Variants in GCA observed in about 807,000 individuals in gnomAD.
GCA encodes the protein grancalcin, EF-hand calcium-binding protein.
Under a neutral mutation model 32.6 loss-of-function variants are expected in GCA, and 30 were observed. The ratio of observed to expected loss-of-function variants is 0.92; its 90% confidence interval spans 0.69 to 1.25. The LOEUF (loss-of-function observed/expected upper bound fraction) is 1.25, where lower values mean the gene tolerates loss of function less well. Ranked by LOEUF, GCA falls within the 50% of genes most tolerant of loss-of-function variation. The pLI is 0.00. For synonymous variants in GCA, 102 were observed against 84.6 expected (o/e 1.21, Z -1.13); for missense variants, 291 against 266.8 (o/e 1.09, Z -0.63).
At chr2:162,328,924 C>T (rs1335458259) in intron 1 of GCA, among the ~76,000 whole-genome samples, 1 of 152,134 alleles carries the variant, frequency 6.6e-6, no homozygotes, top group African/African-American at 2.4e-5. Context: ...GTGGCCTGGG[C>T]TCTCCACTGA....
At chr2:162,348,719 C>G (rs1258097048) in intron 2 of GCA, among the ~76,000 whole-genome samples, 3 of 152,116 alleles carry the variant, frequency 2.0e-5, no homozygotes, top group African/African-American at 7.2e-5. Flanking sequence ...GGAAGCTTTT[C>G]TTTTACTCCT....
chr2:162,340,452 CT>C (rs1010650197), upstream of GCA, among the ~76,000 whole-genome samples: 2 of 152,220 alleles, frequency 1.3e-5, no homozygotes, highest in African/African-American at 4.8e-5. Context: ...ACCATCTCAA[CT>C]GCTATACCCT....
chr2:162,373,596 C>G (rs752991826), downstream of GCA: 1 of 1,576,822 alleles, frequency 6.3e-7, no homozygotes, highest in Middle Eastern at 1.7e-4. Context: ...CTGGGGGGAC[C>G]ACAGTGGTTT....
At chr2:162,354,705 A>G (rs1474495777) in intron 3 of GCA, among the ~76,000 whole-genome samples, 2 of 152,086 alleles carry the variant, frequency 1.3e-5, no homozygotes, top group Non-Finnish European at 2.9e-5. Flanking sequence ...TCAGGAATCC[A>G]TTTTCTCAGA....
rs1684782024 is a variant in GCA, at chr2:162,347,694, C to G, written c.144C>G (p.Ser48=). Residue 48 remains serine (S), a synonymous_variant, in exon 2 of 8, where the codon TCC becomes TCG. Coordinates refer to ENST00000437150, the MANE Select transcript of GCA (RefSeq NM_012198.5). ...GGCCAGCATATTCAGACACTTATTC[C>G]TCAGCTGGTGACTCCGTGTATACTT... ...YSGPAYSDTY[S]SAGDSVYTYF... The G allele has an allele frequency of 6.2e-7, 1 of 1,607,386 alleles. No homozygotes were observed. Among genetic ancestry groups the G allele is most frequent in the Non-Finnish European group, 8.5e-7 (1 of 1,175,722 alleles).
At position 162,347,637 on chromosome 2, in the gene GCA, A is replaced by C; in HGVS notation, c.87A>C (p.Thr29=). Residue 29 remains threonine (T), a synonymous_variant, in exon 2 of 8, where the codon ACA becomes ACC. Coordinates refer to ENST00000437150, the MANE Select transcript of GCA (RefSeq NM_012198.5). ...GMQMGQPVPE[T]GPAILLDGYS... ...AGATGGGACAGCCAGTGCCAGAAAC[A>C]GGCCCAGCTATACTCCTCGATGGAT... 4 of 1,610,284 alleles carry C rather than the reference A, an allele frequency of 2.5e-6. No individual in the cohort carries two copies. Among genetic ancestry groups the C allele is most frequent in the East Asian group, 2.2e-5 (1 of 44,792 alleles).
At position 162,344,206 on chromosome 2, in the gene GCA, A is replaced by C. The variant is rs773790858; in HGVS notation, c.-43A>C. ...TGTGCTTTTTCTCCCAGCACTGCGG[A>C]CGCGACTCGAGGGTGACGCTCGCTC... On this transcript the variant is annotated 5_prime_UTR_variant, in exon 1 of 8. Transcript: ENST00000437150. 3 of 1,612,770 alleles carry C rather than the reference A, an allele frequency of 1.9e-6. No homozygotes were observed. The highest frequency in any genetic ancestry group is 2.2e-5 in the East Asian group (1 of 44,830).
intron 4 of GCA, among the ~76,000 whole-genome samples, chr2:162,369,290 T>G (rs1558909964): frequency 6.6e-6 from 1 of 152,090 alleles, no homozygotes; most frequent in Non-Finnish European, 1.5e-5. Context: ...GTAAGTCACT[T>G]TAGCCATTGA....
chr2:162,360,637 A>G lies in GCA; in HGVS notation c.*394A>G. On this transcript the variant is annotated 3_prime_UTR_variant, in exon 8 of 8. Transcript: ENST00000437150. ...TACTTATCTGAAGGTTACAAATTAG[A>G]CTTTTAAATTTTCTTTGTAGTTGGT... 8.0e-7 allele frequency: 1 copy of G among 1,243,648 alleles called. No individual in the cohort carries two copies. The highest frequency in any genetic ancestry group is 1.0e-6 in the Non-Finnish European group (1 of 988,752). 77.0% of individuals were successfully genotyped at this position (1,243,648 alleles called of 1,614,324 possible).
chr2:162,366,117 A>G (rs367606531), downstream of GCA, among the ~76,000 whole-genome samples: 1 of 151,790 alleles, frequency 6.6e-6, no homozygotes, highest in African/African-American at 2.4e-5. Flanking sequence ...ATTATTTTAC[A>G]TCTTTCAAAA....
At chr2:162,352,123 T>A (rs1685031642) in intron 2 of GCA, among the ~76,000 whole-genome samples, 1 of 152,178 alleles carries the variant, frequency 6.6e-6, no homozygotes, top group African/African-American at 2.4e-5. Context: ...AGGGTAATTG[T>A]GCTATTCTTC....
rs771955911 is a variant in GCA at position 162,356,867 on chromosome 2, T to TAGAA, written c.417_420dup (p.His141ArgfsTer4). 8.1e-6 allele frequency: 13 copies of TAGAA among 1,609,992 alleles called. No individual in the cohort carries two copies. Among genetic ancestry groups the TAGAA allele is most frequent in the Non-Finnish European group, 1.1e-5 (13 of 1,177,164 alleles). On this transcript the variant is annotated frameshift_variant, in exon 5 of 8. Transcript: ENST00000437150. LOFTEE classifies it high-confidence loss of function. ...GTTGATCAAGATGGAAGTGGCACAGTAGAACATCATGAGTTGCGTCAAGCC... is the reference window on the plus strand; with the variant it reads ...GTTGATCAAGATGGAAGTGGCACAGTAGAAAGAACATCATGAGTTGCGTCAAGCC...
chr2:162,329,473 TGA>T (rs1244708581), intron 1 of GCA, among the ~76,000 whole-genome samples: 5 of 152,028 alleles, frequency 3.3e-5, no homozygotes, highest in African/African-American at 1.2e-4. Context: ...ATCAGTGCAC[TGA>T]GTTATATAAA....
At chr2:162,363,368 A>G (rs1468389253), downstream of GCA, among the ~76,000 whole-genome samples, 1 of 151,422 alleles carries the variant, frequency 6.6e-6, no homozygotes, top group Non-Finnish European at 1.5e-5. Flanking sequence ...TTGCAATTCA[A>G]TCATTTACAT....
chr2:162,355,394 TG>T (rs943241028), intron 3 of GCA, among the ~76,000 whole-genome samples: 5 of 152,112 alleles, frequency 3.3e-5, no homozygotes, highest in Non-Finnish European at 5.9e-5. Flanking sequence ...TTTTCTTTAG[TG>T]GGTCTAAAAT....
At position 162,360,978 on chromosome 2, in the gene GCA, T is replaced by C; in HGVS notation, c.*735T>C. 1.8e-6 allele frequency: 2 copies of C among 1,109,126 alleles called. No homozygotes were observed. The highest frequency in any genetic ancestry group is 1.6e-5 in the African/African-American group (1 of 62,000). 68.7% of individuals were successfully genotyped at this position (1,109,126 alleles called of 1,614,324 possible). On this transcript the variant is annotated 3_prime_UTR_variant, in exon 8 of 8. Coordinates refer to ENST00000437150, the MANE Select transcript of GCA (RefSeq NM_012198.5). ...AAGACATAGTTCACCTAAAATGGCA[T>C]CCTGCTCTGAATCTAGACTTTTTAG...
Position 162,360,204 on chromosome 2 carries a change from A to T in GCA, c.628-13A>T. ...TTTATTCTTAATAGATAATAATTTC[A>T]CTTATGTATTAGTTTTTGCAGGGCA... On this transcript the variant is annotated splice_polypyrimidine_tract_variant and intron_variant, in intron 7 of 7. Transcript: ENST00000437150. 2 of 1,434,360 alleles carry T rather than the reference A, an allele frequency of 1.4e-6. No individual in the cohort carries two copies. The highest frequency in any genetic ancestry group is 1.9e-6 in the Non-Finnish European group (2 of 1,026,956). 88.9% of individuals were successfully genotyped at this position (1,434,360 alleles called of 1,614,324 possible). A position where few individuals can be genotyped will look rare whatever the true frequency, so the allele number is the denominator to read the frequency against.
At position 162,347,626 on chromosome 2, in the gene GCA, G is replaced by T. The variant is rs1684776775; in HGVS notation, c.76G>T (p.Val26Leu). 6.2e-7 allele frequency: 1 copy of T among 1,610,410 alleles called. No homozygotes were observed. The highest frequency in any genetic ancestry group is 1.3e-5 in the African/African-American group (1 of 74,824). Residue 26 changes from valine (V) to leucine (L), a missense_variant, in exon 2 of 8, where the codon GTG becomes TTG. Coordinates refer to ENST00000437150, the MANE Select transcript of GCA (RefSeq NM_012198.5). ...QVPGMQMGQP[V>L]PETGPAILLD... is the part of the protein sequence containing the mutation. Reference sequence around the variant, plus strand: ...GCCAGGAATGCAGATGGGACAGCCAGTGCCAGAAACAGGCCCAGCTATACT... The same window carrying T: ...GCCAGGAATGCAGATGGGACAGCCATTGCCAGAAACAGGCCCAGCTATACT...
At position 162,347,759 on chromosome 2, in the gene GCA, A is replaced by G; in HGVS notation, c.192+17A>G. The G allele has an allele frequency of 1.4e-6, 2 of 1,424,976 alleles. No homozygotes were observed. The highest frequency in any genetic ancestry group is 1.9e-6 in the Non-Finnish European group (2 of 1,053,800). The allele number at this position is 1,424,976 out of a possible 1,614,324, so 88.3% of individuals were successfully genotyped here. A position where few individuals can be genotyped will look rare whatever the true frequency, so the allele number is the denominator to read the frequency against. On this transcript the variant is annotated intron_variant, in intron 2 of 7. Coordinates refer to ENST00000437150, the MANE Select transcript of GCA (RefSeq NM_012198.5). ...GCTGGACAGGTGAGATGCTAAATTTATTGCATAAATATGTCTTTAAAATTA... is the reference window on the plus strand; with the variant it reads ...GCTGGACAGGTGAGATGCTAAATTTGTTGCATAAATATGTCTTTAAAATTA...
Sources: allele counts gnomAD v4.1 joint callset (sites outside exome capture counted in the v4.1 genomes callset), GRCh38; gene constraint gnomAD v4.1.1; transcripts MANE v1.5; gene names NCBI Gene and HGNC (gene_info 2026-07-23, HGNC 2026-07-21).